The following CCDC171 variants were observed in gnomAD, a reference collection of about 807,000 sequenced individuals.
The protein encoded by CCDC171 is coiled-coil domain-containing protein 171.
In CCDC171, 177 loss-of-function variants were observed where a neutral mutation model predicts 168.2. The ratio of observed to expected loss-of-function variants is 1.05; its 90% CI spans 0.93 to 1.19. CCDC171 has a LOEUF of 1.19. CCDC171 is among the 50% of genes most tolerant of loss of function. The probability of loss-of-function intolerance (pLI) is 0.00; values close to 1 mark genes in which losing one functional copy is unlikely to be tolerated. For synonymous variants in CCDC171, 687 were observed against 540.8 expected (o/e 1.27, Z -3.75); for missense variants, 1,991 against 1,539.0 (o/e 1.29, Z -4.91).
chr9:15,749,356 C>T (rs963865638), intron 18 of CCDC171, among the ~76,000 whole-genome samples: 1 of 152,256 alleles, frequency 6.6e-6, no homozygotes, highest in African/African-American at 2.4e-5. Flanking sequence ...GACTTAGACT[C>T]CCACACAATA....
At chr9:15,595,196 G>A (rs138281628) in intron 6 of CCDC171, among the ~76,000 whole-genome samples, 19 of 151,794 alleles carry the variant, frequency 1.3e-4, no homozygotes, top group African/African-American at 4.3e-4. Context: ...TGTGCACAGC[G>A]TGCAGGTTTG....
intron 21 of CCDC171, among the ~76,000 whole-genome samples, chr9:15,816,960 T>C (rs1227069265): frequency 8.4e-6 from 1 of 118,360 alleles, no homozygotes; most frequent in East Asian, 2.1e-4. Flanking sequence ...ATTCTCAGGA[T>C]AGAGCTCAAG....
chr9:15,913,505 G>T (rs1326004657), intron 24 of CCDC171, among the ~76,000 whole-genome samples: 1 of 152,140 alleles, frequency 6.6e-6, no homozygotes, highest in Non-Finnish European at 1.5e-5. Context: ...AGTTTTTGAA[G>T]AGTTTTTTGT....
chr9:16,050,914 C>A (rs1390286650), intron 1 of CCDC171, among the ~76,000 whole-genome samples: 2 of 152,154 alleles, frequency 1.3e-5, no homozygotes, highest in African/African-American at 4.8e-5. Context: ...CAATTACCAA[C>A]CATAGTGAAG....
chr9:15,927,829 T>C (rs1394612502), intron 25 of CCDC171, among the ~76,000 whole-genome samples: 1 of 151,740 alleles, frequency 6.6e-6, no homozygotes, highest in Admixed American at 6.6e-5. Flanking sequence ...TTAATTTTAG[T>C]GTTGTGTAGC....
At chr9:15,650,728 T>A (rs1169106609) in intron 7 of CCDC171, among the ~76,000 whole-genome samples, 2 of 152,208 alleles carry the variant, frequency 1.3e-5, no homozygotes, top group Non-Finnish European at 2.9e-5. Context: ...TAGTTTTAAT[T>A]TTGTATTGTT....
chr9:15,662,642 T>C (rs952410673), intron 8 of CCDC171, among the ~76,000 whole-genome samples: 1 of 152,164 alleles, frequency 6.6e-6, no homozygotes, highest in Non-Finnish European at 1.5e-5. Context: ...CATTAGGATA[T>C]TGACTGGCAT....
chr9:15,942,149 A>G (rs2987069), intron 25 of CCDC171, among the ~76,000 whole-genome samples: 64,855 of 151,662 alleles, frequency 0.43, 14,086 homozygotes, highest in Non-Finnish European at 0.45. Flanking sequence ...TTTTTAGTTG[A>G]CTAATCCTAT....
intron 21 of CCDC171, among the ~76,000 whole-genome samples, chr9:15,811,176 T>C (rs2059341123): frequency 1.3e-5 from 2 of 152,220 alleles, no homozygotes; most frequent in South Asian, 4.1e-4. Flanking sequence ...AGAAACCTTT[T>C]GGAACCAGAG....
intron 21 of CCDC171, among the ~76,000 whole-genome samples, chr9:15,828,906 G>C (rs2153726): frequency 0.44 from 67,198 of 151,946 alleles, 15,062 homozygotes; most frequent in African/African-American, 0.47. Context: ...CATAAGTGAG[G>C]TTTCTCCTTC....
At chr9:15,835,617 G>C (rs1354624985) in intron 21 of CCDC171, among the ~76,000 whole-genome samples, 1 of 152,084 alleles carries the variant, frequency 6.6e-6, no homozygotes, top group Non-Finnish European at 1.5e-5. Flanking sequence ...AGTAGAGACA[G>C]GGTTTCACCA....
chr9:16,017,205 C>G (rs1170500453), intron 3 of CCDC171, among the ~76,000 whole-genome samples: 1 of 151,950 alleles, frequency 6.6e-6, no homozygotes, highest in Non-Finnish European at 1.5e-5. Flanking sequence ...GCTGTCTATA[C>G]CCTTTATCCA....
chr9:16,032,318 C>T (rs150198543), intron 6 of CCDC171, among the ~76,000 whole-genome samples: 1 of 152,110 alleles, frequency 6.6e-6, no homozygotes, highest in Non-Finnish European at 1.5e-5. Context: ...AACCTGACAC[C>T]TGAGGGGAAA....
At chr9:15,575,157 CTTTTT>C (rs57272096) in intron 3 of CCDC171, among the ~76,000 whole-genome samples, 2 of 86,870 alleles carry the variant, frequency 2.3e-5, no homozygotes, top group Non-Finnish European at 4.3e-5. Context: ...GACATAACTA[CTTTTT>C]TTTTTTTTTT....
At chr9:15,821,382 A>G (rs2059763381) in intron 21 of CCDC171, among the ~76,000 whole-genome samples, 1 of 117,286 alleles carries the variant, frequency 8.5e-6, no homozygotes, top group African/African-American at 3.2e-5. Flanking sequence ...AGTTAGGAAA[A>G]CAGGACGTCA....
At chr9:15,837,887 G>C (rs765220823) in intron 21 of CCDC171, among the ~76,000 whole-genome samples, 1 of 152,266 alleles carries the variant, frequency 6.6e-6, no homozygotes, top group African/African-American at 2.4e-5. Flanking sequence ...TATTGCCAGT[G>C]GTAACTTTGT....
intron 25 of CCDC171, among the ~76,000 whole-genome samples, chr9:15,949,340 T>G (rs936632820): frequency 1.3e-5 from 2 of 152,148 alleles, no homozygotes; most frequent in Non-Finnish European, 2.9e-5. Flanking sequence ...TTAAAGTAGT[T>G]TTTTCCAATT....
chr9:15,790,298 T>C (rs1285014166), intron 21 of CCDC171, among the ~76,000 whole-genome samples: 1 of 152,256 alleles, frequency 6.6e-6, no homozygotes, highest in African/African-American at 2.4e-5. Context: ...CTAACTGGTG[T>C]GAAATGGTAT....
the CCDC171 span, among the ~76,000 whole-genome samples, chr9:16,084,710 C>T: frequency 4.6e-5 from 7 of 152,178 alleles, no homozygotes; most frequent in Non-Finnish European, 4.4e-5. Context: ...CTGAGATAAA[C>T]TCTGTCAATT....
Sources: gnomAD v4.1 joint callset for allele counts (sites outside exome capture counted in the v4.1 genomes callset) on GRCh38, gnomAD v4.1.1 for gene constraint, MANE v1.5 for transcripts, NCBI Gene and HGNC (gene_info 2026-07-23, HGNC 2026-07-21) for gene names.